The following PPP2R5C variants were observed in gnomAD, a reference collection of about 807,000 sequenced individuals.
PPP2R5C encodes the protein serine/threonine-protein phosphatase 2A 56 kDa regulatory subunit gamma isoform.
A neutral mutation model predicts 68.9 loss-of-function variants in PPP2R5C; 7 were observed. The ratio of observed to expected loss-of-function variants is 0.10; its 90% CI spans 0.06 to 0.19. The LOEUF is 0.19. PPP2R5C is among the 10% of genes least tolerant of loss of function. The probability of loss-of-function intolerance (pLI) is 1.00; values close to 1 mark genes in which losing one functional copy is unlikely to be tolerated. For missense variants in PPP2R5C, 348 were observed against 641.3 expected (o/e 0.54, Z 4.94); for synonymous variants, 210 against 222.2 (o/e 0.95, Z 0.49).
intron 11 of PPP2R5C, among the ~76,000 whole-genome samples, chr14:101,910,818 A>G (rs1199794376): frequency 6.7e-6 from 1 of 149,530 alleles, no homozygotes; most frequent in Non-Finnish European, 1.5e-5. Flanking sequence ...ATACAAAAAA[A>G]AAGGCCGGGC....
intron 1 of PPP2R5C, chr14:101,810,079 T>C (rs763795490): frequency 3.2e-6 from 5 of 1,553,610 alleles, no homozygotes; most frequent in Non-Finnish European, 3.5e-6. Context: ...CTTCCGTGGG[T>C]AGTTAATAAA....
At position 101,797,243 on chromosome 14, in the gene PPP2R5C, C is replaced by T. The variant is rs1054174909; in HGVS notation, c.259+11060C>T. 5 of 455,916 alleles carry T rather than the reference C, an allele frequency of 1.1e-5. No individual in the cohort carries two copies. Among genetic ancestry groups the T allele is most frequent in the African/African-American group, 1.0e-4 (5 of 50,074 alleles). The allele number at this position is 455,916 out of a possible 1,614,324, so 28.2% of individuals were successfully genotyped here. A position where few individuals can be genotyped will look rare whatever the true frequency, so the allele number is the denominator to read the frequency against. On this transcript the variant is annotated intron_variant, in intron 3 of 14. Transcript: ENST00000328724. This position sits in a 1 kb window ranked among gnomAD's most constrained non-coding sequence, Gnocchi z 4.2. ...CACATTGTAGCACGTGCCAGACCCT[C>T]GCTCCCGTCGAAGGCTGATGCCATC...
chr14:101,880,327 A>G (rs956528806), intron 2 of PPP2R5C, among the ~76,000 whole-genome samples: 3 of 152,128 alleles, frequency 2.0e-5, no homozygotes, highest in African/African-American at 7.2e-5. Flanking sequence ...CTGCGTTTCT[A>G]CAGTATCCGT....
chr14:101,816,292 T>G (rs2039664192), intron 1 of PPP2R5C, among the ~76,000 whole-genome samples: 1 of 152,164 alleles, frequency 6.6e-6, no homozygotes, highest in Non-Finnish European at 1.5e-5. Context: ...CGCCAAGTGG[T>G]CTAAACGTGG....
chr14:101,910,264 G>C (rs1186286179), intron 11 of PPP2R5C, among the ~76,000 whole-genome samples: 1 of 152,182 alleles, frequency 6.6e-6, no homozygotes, highest in South Asian at 2.1e-4. Context: ...TTAAATAGTT[G>C]TTGGAGGTCA....
Position 101,825,211 on chromosome 14 carries a change from C to CATGTGTGTGTGTGTGT in PPP2R5C, c.94+15175_94+15176insATGTGTGTGTGTGTGT, listed in dbSNP as rs1490529678. Among the ~76,000 whole-genome samples, 4 of 143,004 alleles carry CATGTGTGTGTGTGTGT rather than the reference C, an allele frequency of 2.8e-5. No individual in the cohort carries two copies. The highest frequency in any genetic ancestry group is 7.8e-5 in the African/African-American group (3 of 38,436). 93.8% of individuals were successfully genotyped at this position (143,004 alleles called of 152,430 possible). ...AGGGATAGGATAAGAGGGTTTTCAG[C>CATGTGTGTGTGTGTGT]GTGTGTGTGTGTGTGTGTGTGTGTG... On this transcript the variant is annotated intron_variant, in intron 1 of 13. Coordinates refer to ENST00000334743, the Ensembl canonical transcript of PPP2R5C. This position sits in a 1 kb window ranked among gnomAD's most constrained non-coding sequence, Gnocchi z 4.0.
intron 2 of PPP2R5C, among the ~76,000 whole-genome samples, chr14:101,783,933 G>A (rs2037965020): frequency 6.6e-6 from 1 of 152,258 alleles, no homozygotes; most frequent in Non-Finnish European, 1.5e-5. Flanking sequence ...AGGCGGAGCA[G>A]AAACCTGTCT....
At chr14:101,850,732 C>T (rs1171155628) in intron 1 of PPP2R5C, among the ~76,000 whole-genome samples, 1 of 152,124 alleles carries the variant, frequency 6.6e-6, no homozygotes, top group Non-Finnish European at 1.5e-5. Flanking sequence ...AGACACTGCT[C>T]TAGGACACAG....
At position 101,813,749 on chromosome 14, in the gene PPP2R5C, T is replaced by C. The variant is rs370861319; in HGVS notation, c.94+3713T>C. ...CTTGTTCTAGTCATTAGCAAACTTA[T>C]CCAGTGGATGAGTCTGTCCTTGAAA... On this transcript the variant is annotated intron_variant, in intron 1 of 13. Transcript: ENST00000334743. Among the ~76,000 whole-genome samples the C allele has an allele frequency of 3.2e-4, 48 of 152,352 alleles. 2 individuals carry two copies. In the East Asian group the frequency reaches 7.7e-3, roughly 24 times the overall value.
At chr14:101,786,041 C>T in exon 3 of PPP2R5C, 1 of 1,533,682 alleles carries the variant, frequency 6.5e-7, no homozygotes, top group Non-Finnish European at 8.8e-7. Flanking sequence ...GGAAAAACAG[C>T]CTTGTTGCTG....
intron 1 of PPP2R5C, among the ~76,000 whole-genome samples, chr14:101,841,570 T>C (rs776165358): frequency 1.3e-5 from 2 of 152,222 alleles, no homozygotes; most frequent in Non-Finnish European, 2.9e-5. Flanking sequence ...TGAGGCTCCC[T>C]GCTGAGCGGT....
intron 3 of PPP2R5C, chr14:101,803,261 A>G (rs927874855): frequency 3.3e-5 from 5 of 152,338 alleles, no homozygotes; most frequent in African/African-American, 1.2e-4. Flanking sequence ...CTAAAATTGG[A>G]ATGATACAGA....
chr14:101,827,526 C>A (rs192234593), intron 1 of PPP2R5C, among the ~76,000 whole-genome samples: 91 of 152,304 alleles, frequency 6.0e-4, no homozygotes, highest in African/African-American at 2.1e-3. Context: ...GATCTGCTGC[C>A]ATCTGCACTG....
chr14:101,775,603 A>G lies in PPP2R5C; in HGVS notation c.94-10415A>G, dbSNP rs576343483. On this transcript the variant is annotated intron_variant, in intron 2 of 14. Transcript: ENST00000328724. ...TTGTTTCCTCTACCTGAGGAAGTGC[A>G]GCCATGCTTGTTGGGAAGACTTGGG... 4.6e-5 allele frequency among the ~76,000 whole-genome samples: 7 copies of G among 152,306 alleles called. No individual in the cohort carries two copies. In the East Asian group the frequency reaches 5.8e-4, roughly 13 times the overall value.
At chr14:101,889,340 G>A (rs972414397) in intron 5 of PPP2R5C, among the ~76,000 whole-genome samples, 12 of 152,184 alleles carry the variant, frequency 7.9e-5, no homozygotes, top group African/African-American at 2.9e-4. Context: ...CCAGGTGCAC[G>A]AGGCTTGGGG....
intron 1 of PPP2R5C, among the ~76,000 whole-genome samples, chr14:101,853,556 T>A (rs1194556983): frequency 2.0e-5 from 3 of 152,238 alleles, no homozygotes; most frequent in Non-Finnish European, 4.4e-5. Context: ...CTGTGCAGTG[T>A]TTATAACGCG....
At chr14:101,886,984 C>T (rs1445529357) in intron 5 of PPP2R5C, among the ~76,000 whole-genome samples, 1 of 152,240 alleles carries the variant, frequency 6.6e-6, no homozygotes, top group African/African-American at 2.4e-5. Flanking sequence ...ATCCTCCTGC[C>T]TCAGCCTCCC....
chr14:101,809,552 CT>C (rs5811049), upstream of PPP2R5C, among the ~76,000 whole-genome samples: 2,440 of 92,904 alleles, frequency 0.026, 25 homozygotes, highest in African/African-American at 0.067. Flanking sequence ...TATACACACA[CT>C]TTTTTTTTTT....
At chr14:101,894,474 A>C (rs76130410) in intron 7 of PPP2R5C, 33 bp from the exon 10 acceptor site, 229 of 1,601,034 alleles carry the variant, frequency 1.4e-4, no homozygotes, top group Admixed American at 3.0e-4. Flanking sequence ...TTTATGTTGA[A>C]ATGTTAATGC....
Sources: allele counts gnomAD v4.1 joint callset (sites outside exome capture counted in the v4.1 genomes callset), GRCh38; gene constraint gnomAD v4.1.1; non-coding constraint Gnocchi (gnomAD v3.1); transcripts MANE v1.5; gene names NCBI Gene and HGNC (gene_info 2026-07-23, HGNC 2026-07-21).